Variants in TTC29 observed in about 807,000 individuals in gnomAD.
TTC29 encodes tetratricopeptide repeat protein 29.
TTC29 carries 49 observed loss-of-function variants against 58.1 expected under a neutral mutation model. The ratio of observed to expected loss-of-function variants is 0.84; its 90% CI spans 0.67 to 1.07. The LOEUF is 1.07. TTC29 is among the 50% of genes least tolerant of loss of function. The pLI is 0.00. For missense variants in TTC29, 582 were observed against 555.6 expected, an observed-to-expected ratio of 1.05 and a Z score of -0.48; for synonymous variants, 209 against 196.8, an observed-to-expected ratio of 1.06 and a Z score of -0.52.
At chr4:146,812,080 A>G (rs1288258630) in intron 10 of TTC29, among the ~76,000 whole-genome samples, 3 of 152,232 alleles carry the variant, frequency 2.0e-5, no homozygotes, top group Admixed American at 1.3e-4. Context: ...TTGTATGCCA[A>G]TGAAGTAAAC....
intron 4 of TTC29, among the ~76,000 whole-genome samples, chr4:146,933,057 C>CAAAAAAAA (rs34870490): frequency 1.5e-5 from 2 of 137,284 alleles, no homozygotes; most frequent in African/African-American, 5.3e-5. Flanking sequence ...GACTCCGTCT[C>CAAAAAAAA]AAAAAAAAAA....
chr4:146,836,724 G>A (rs773163041), intron 8 of TTC29, among the ~76,000 whole-genome samples: 2 of 152,060 alleles, frequency 1.3e-5, no homozygotes, highest in Non-Finnish European at 1.5e-5. Context: ...CATGCATGTT[G>A]CCAACATGCA....
chr4:146,919,607 C>G (rs1254129050), intron 4 of TTC29, among the ~76,000 whole-genome samples: 1 of 151,028 alleles, frequency 6.6e-6, no homozygotes, highest in African/African-American at 2.4e-5. Flanking sequence ...GATATTCACT[C>G]TGTTGTGTTC....
chr4:146,898,111 C>T (rs1221812011), intron 6 of TTC29, among the ~76,000 whole-genome samples: 1 of 152,166 alleles, frequency 6.6e-6, no homozygotes, highest in Non-Finnish European at 1.5e-5. Flanking sequence ...CACATAGTGT[C>T]ATGATCACTA....
intron 10 of TTC29, among the ~76,000 whole-genome samples, chr4:146,804,338 G>GT (rs1042872390): frequency 3.7e-4 from 56 of 151,548 alleles, no homozygotes; most frequent in Middle Eastern, 3.4e-3. Context: ...AGCTGCAGGA[G>GT]TTTTTTTTTC....
chr4:146,715,534 C>T (rs1742864000), intron 11 of TTC29, among the ~76,000 whole-genome samples: 1 of 152,044 alleles, frequency 6.6e-6, no homozygotes, highest in African/African-American at 2.4e-5. Context: ...ACTGCATGTT[C>T]TCACTGACAT....
chr4:146,873,159 T>C (rs1033757627), intron 7 of TTC29, among the ~76,000 whole-genome samples: 4 of 152,128 alleles, frequency 2.6e-5, no homozygotes, highest in African/African-American at 4.8e-5. Flanking sequence ...TTAAATACCA[T>C]GTAAACCAAT....
Position 146,819,253 on chromosome 4 carries a change from G to C in TTC29, c.1101+872C>G, listed in dbSNP as rs189188107. 1.3e-3 allele frequency among the ~76,000 whole-genome samples: 193 copies of C among 152,250 alleles called. 3 individuals are homozygous for C. The highest frequency in any genetic ancestry group is 0.012 in the Admixed American group (178 of 15,286). ...AAAACCGAGGCACCTAGAAATTTAAGTAACTGGCCCAAGGTCACAGATCTT... is the reference window on the plus strand; with the variant it reads ...AAAACCGAGGCACCTAGAAATTTAACTAACTGGCCCAAGGTCACAGATCTT... On this transcript the variant is annotated intron_variant, in intron 10 of 12. Transcript: ENST00000325106.
chr4:146,765,398 G>T (rs1385120090), intron 11 of TTC29, among the ~76,000 whole-genome samples: 2 of 152,046 alleles, frequency 1.3e-5, no homozygotes, highest in African/African-American at 4.8e-5. Context: ...AAATGCATTT[G>T]ACTAACCGGG....
At chr4:146,770,806 G>T (rs775036013) in intron 11 of TTC29, among the ~76,000 whole-genome samples, 1 of 151,958 alleles carries the variant, frequency 6.6e-6, no homozygotes. Context: ...TCTTTCTCTC[G>T]ATATGTCCCA....
intron 11 of TTC29, among the ~76,000 whole-genome samples, chr4:146,745,513 T>C (rs1745477383): frequency 6.6e-6 from 1 of 152,216 alleles, no homozygotes; most frequent in African/African-American, 2.4e-5. Flanking sequence ...AAGAATGCAG[T>C]TTCCTTCCTG....
intron 2 of TTC29, chr4:146,942,797 G>A: frequency 1.8e-6 from 1 of 541,934 alleles, no homozygotes. Context: ...ACTTGCCAAA[G>A]CATTATGCAG....
chr4:146,877,901 A>G lies in TTC29; in HGVS notation c.587-2973T>C, dbSNP rs1243292852. On this transcript the variant is annotated intron_variant, in intron 6 of 12. Transcript: ENST00000325106. Reference sequence around the variant, plus strand: ...AAATGAGAACTGATATCCATCTCCAAAATTTGATCTATATGGGGGCAGAAA... The same window carrying G: ...AAATGAGAACTGATATCCATCTCCAGAATTTGATCTATATGGGGGCAGAAA... Among the ~76,000 whole-genome samples, 14 of 152,282 alleles carry G rather than the reference A, an allele frequency of 9.2e-5. No individual in the cohort carries two copies. The East Asian group carries it at 1.2e-3, about 13-fold the overall frequency.
intron 9 of TTC29, among the ~76,000 whole-genome samples, chr4:146,830,301 C>T (rs1253707723): frequency 6.6e-6 from 1 of 152,118 alleles, no homozygotes; most frequent in Non-Finnish European, 1.5e-5. Context: ...ACTCTAACAC[C>T]AAGTCTGTAT....
chr4:146,882,274 A>C (rs1485365529), intron 6 of TTC29, among the ~76,000 whole-genome samples: 1 of 152,130 alleles, frequency 6.6e-6, no homozygotes, highest in South Asian at 2.1e-4. Context: ...GTTGGTTTCA[A>C]TCTAAGTTTT....
chr4:146,836,366 G>A (rs1196951613), intron 8 of TTC29, among the ~76,000 whole-genome samples: 1 of 152,052 alleles, frequency 6.6e-6, no homozygotes, highest in Non-Finnish European at 1.5e-5. Flanking sequence ...ACCAAGTAGG[G>A]AAAATGTCAA....
At chr4:146,875,029 G>A (rs535426107) in intron 6 of TTC29, 101 bp from the exon 7 acceptor site, 27 of 825,360 alleles carry the variant, frequency 3.3e-5, no homozygotes, top group Admixed American at 2.4e-4. Flanking sequence ...GAGAAACACC[G>A]AGGATTATGG....
At chr4:146,871,180 A>G (rs1204843168) in intron 7 of TTC29, among the ~76,000 whole-genome samples, 2 of 152,018 alleles carry the variant, frequency 1.3e-5, no homozygotes, top group African/African-American at 4.8e-5. Flanking sequence ...TTGGTTCAAC[A>G]TATGCTAATC....
rs773517202 is a variant in TTC29 at position 146,874,761 on chromosome 4, G to A, written c.754C>T (p.Gln252Ter). 1 of 1,608,950 alleles carries A rather than the reference G, an allele frequency of 6.2e-7. No individual in the cohort carries two copies. Among genetic ancestry groups the A allele is most frequent in the Non-Finnish European group, 8.5e-7 (1 of 1,177,996 alleles). Residue 252 changes from glutamine (Q) to a stop codon, truncating the protein, a stop_gained, in exon 7 of 13, where the codon CAG becomes TAG. Transcript: ENST00000325106. LOFTEE classifies it high-confidence loss of function. ...DKMLENKEYK[Q>*]AIKILIKASE... is the part of the protein sequence containing the mutation. Reference sequence around the variant, plus strand: ...GCTTTTATTAGAATTTTGATGGCCTGTTTGTATTCTTTATTTTCTAGCATT... The same window carrying A: ...GCTTTTATTAGAATTTTGATGGCCTATTTGTATTCTTTATTTTCTAGCATT...
Sources: gnomAD v4.1 joint callset for allele counts (sites outside exome capture counted in the v4.1 genomes callset) on GRCh38, gnomAD v4.1.1 for gene constraint, MANE v1.5 for transcripts, NCBI Gene and HGNC (gene_info 2026-07-23, HGNC 2026-07-21) for gene names.